SLC35F4: variants seen among roughly 807,000 people sequenced by gnomAD.
SLC35F4 encodes the protein chromosome 14 open reading frame 36.
A neutral mutation model predicts 44.2 loss-of-function variants in SLC35F4; 24 were observed. The ratio of observed to expected loss-of-function variants is 0.54; its 90% CI spans 0.39 to 0.76. SLC35F4 has a LOEUF of 0.76. SLC35F4 is among the 30% of genes least tolerant of loss of function. The pLI is 0.00. For synonymous variants in SLC35F4, 238 were observed against 223.6 expected, an observed-to-expected ratio of 1.06 and a Z score of -0.57; for missense variants, 562 against 586.1, an observed-to-expected ratio of 0.96 and a Z score of 0.42.
At chr14:57,959,074 G>C (rs1443431283) in intron 1 of SLC35F4, among the ~76,000 whole-genome samples, 1 of 152,156 alleles carries the variant, frequency 6.6e-6, no homozygotes, top group Non-Finnish European at 1.5e-5. Context: ...GAGAGGGAAG[G>C]GGCAGGAGAA....
At chr14:57,763,801 G>T (rs1475004) in intron 1 of SLC35F4, among the ~76,000 whole-genome samples, 73,057 of 151,878 alleles carry the variant, frequency 0.48, 17,731 homozygotes, top group Middle Eastern at 0.55. Flanking sequence ...ATTTCTCATC[G>T]CATTTACTGC....
intron 3 of SLC35F4, among the ~76,000 whole-genome samples, chr14:57,587,239 CTAGAAT>C (rs2069817296): frequency 6.6e-6 from 1 of 152,278 alleles, no homozygotes; most frequent in African/African-American, 2.4e-5. Flanking sequence ...GGATCTAGAA[CTAGAAT>C]TACCATTTGA....
chr14:57,795,797 T>TC (rs1566861351), intron 1 of SLC35F4, among the ~76,000 whole-genome samples: 1 of 152,208 alleles, frequency 6.6e-6, no homozygotes, highest in African/African-American at 2.4e-5. Context: ...CACTTTTTTT[T>TC]CCTTCCAACC....
At chr14:57,812,271 C>T (rs901914849) in intron 1 of SLC35F4, among the ~76,000 whole-genome samples, 1 of 152,076 alleles carries the variant, frequency 6.6e-6, no homozygotes, top group Non-Finnish European at 1.5e-5. Context: ...CCAGCTGGAA[C>T]CCAAACTGTG....
chr14:57,968,864 A>G (rs1880969037), intron 1 of SLC35F4, among the ~76,000 whole-genome samples: 3 of 152,244 alleles, frequency 2.0e-5, no homozygotes, highest in Non-Finnish European at 4.4e-5. Context: ...CAGAAATATT[A>G]GCAGTTAAAT....
At chr14:57,689,830 T>C (rs1251842886) in intron 1 of SLC35F4, among the ~76,000 whole-genome samples, 1 of 151,986 alleles carries the variant, frequency 6.6e-6, no homozygotes, top group African/African-American at 2.4e-5. Context: ...GGCACACGTA[T>C]ACATATGTAA....
At chr14:57,801,560 G>T (rs968967577) in intron 1 of SLC35F4, among the ~76,000 whole-genome samples, 4 of 151,898 alleles carry the variant, frequency 2.6e-5, no homozygotes, top group Admixed American at 6.6e-5. Flanking sequence ...AAAGACACAG[G>T]ATGGCAAGCT....
At chr14:57,871,362 C>T (rs1888294490) in intron 1 of SLC35F4, among the ~76,000 whole-genome samples, 1 of 152,192 alleles carries the variant, frequency 6.6e-6, no homozygotes, top group African/African-American at 2.4e-5. Flanking sequence ...GCATTTCCCA[C>T]TATTTTTATG....
intron 1 of SLC35F4, among the ~76,000 whole-genome samples, chr14:57,792,075 C>T (rs2140809123): frequency 6.6e-6 from 1 of 151,996 alleles, no homozygotes; most frequent in South Asian, 2.1e-4. Context: ...AACAAACCTG[C>T]ACTTTCTGCA....
chr14:57,710,599 C>T (rs1287988011), intron 1 of SLC35F4, among the ~76,000 whole-genome samples: 1 of 152,176 alleles, frequency 6.6e-6, no homozygotes, highest in Non-Finnish European at 1.5e-5. Context: ...AGGATGGGGG[C>T]TGTACCCTGC....
At chr14:57,577,734 A>T (rs540235294) in intron 4 of SLC35F4, among the ~76,000 whole-genome samples, 2 of 152,126 alleles carry the variant, frequency 1.3e-5, no homozygotes, top group East Asian at 3.9e-4. Flanking sequence ...AGCTAAACAT[A>T]ATAAGGTCTG....
At chr14:57,742,459 G>C (rs1040959107) in intron 1 of SLC35F4, among the ~76,000 whole-genome samples, 2 of 152,100 alleles carry the variant, frequency 1.3e-5, no homozygotes, top group Non-Finnish European at 1.5e-5. Context: ...AACCAACAAA[G>C]ATCAAAAGAG....
chr14:57,673,712 T>G (rs186677887), intron 1 of SLC35F4, among the ~76,000 whole-genome samples: 1 of 152,132 alleles, frequency 6.6e-6, no homozygotes, highest in East Asian at 1.9e-4. Context: ...GTTAGAAACA[T>G]TTTTTGAGGA....
chr14:57,888,154 C>T (rs570622427), intron 1 of SLC35F4, among the ~76,000 whole-genome samples: 5 of 152,228 alleles, frequency 3.3e-5, no homozygotes, highest in African/African-American at 1.2e-4. Context: ...GAGTTTATAC[C>T]AAGAAGAACC....
At chr14:57,775,283 G>C (rs1464080809) in intron 1 of SLC35F4, among the ~76,000 whole-genome samples, 1 of 152,214 alleles carries the variant, frequency 6.6e-6, no homozygotes, top group Non-Finnish European at 1.5e-5. Context: ...TGCTGCAGCC[G>C]ATAAGTGTGC....
chr14:57,829,304 A>T (rs1884103706), intron 1 of SLC35F4, among the ~76,000 whole-genome samples: 1 of 152,216 alleles, frequency 6.6e-6, no homozygotes, highest in African/African-American at 2.4e-5. Context: ...AGGAGAGAGA[A>T]TGCCTATAGG....
chr14:57,621,774 A>C (rs1346119684), intron 1 of SLC35F4, among the ~76,000 whole-genome samples: 4 of 150,508 alleles, frequency 2.7e-5, no homozygotes, highest in African/African-American at 4.9e-5. Context: ...CTTCATGTCT[A>C]AAACACCAAA....
intron 1 of SLC35F4, among the ~76,000 whole-genome samples, chr14:57,662,695 TTC>T (rs1407780763): frequency 6.6e-6 from 1 of 152,188 alleles, no homozygotes; most frequent in Non-Finnish European, 1.5e-5. Context: ...GTCTCAGATA[TTC>T]TGTTATAGCA....
At chr14:57,869,582 G>A (rs1335108788), upstream of SLC35F4, among the ~76,000 whole-genome samples, 1 of 152,156 alleles carries the variant, frequency 6.6e-6, no homozygotes, top group Non-Finnish European at 1.5e-5. Context: ...TGGGAAATTA[G>A]TATATTTTAC....
Sources: gnomAD v4.1 joint callset for allele counts (sites outside exome capture counted in the v4.1 genomes callset) on GRCh38, gnomAD v4.1.1 for gene constraint, MANE v1.5 for transcripts, NCBI Gene and HGNC (gene_info 2026-07-23, HGNC 2026-07-21) for gene names.